Variants in CSRNP3 observed in about 807,000 individuals in gnomAD.
The protein encoded by CSRNP3 is cysteine and serine rich nuclear protein 3.
A neutral mutation model predicts 48.0 loss-of-function variants in CSRNP3; 12 were observed. That is an observed-to-expected ratio of 0.25 (90% CI 0.16 to 0.41). The LOEUF (loss-of-function observed/expected upper bound fraction) is 0.41, where lower values mean the gene tolerates loss of function less well. Ranked by LOEUF, CSRNP3 falls within the 10% of genes least tolerant of loss-of-function variation. CSRNP3 has a pLI of 1.00. For synonymous variants in CSRNP3, 263 were observed against 269.7 expected, an observed-to-expected ratio of 0.98 and a Z score of 0.24; for missense variants, 580 against 724.4, an observed-to-expected ratio of 0.80 and a Z score of 2.29.
chr2:165,612,252 T>C (rs1686150300), intron 4 of CSRNP3, among the ~76,000 whole-genome samples: 1 of 152,090 alleles, frequency 6.6e-6, no homozygotes, highest in Non-Finnish European at 1.5e-5. Context: ...TTCTGAATAA[T>C]AAACTATGCA....
intron 4 of CSRNP3, among the ~76,000 whole-genome samples, chr2:165,597,507 A>G (rs1380536600): frequency 6.6e-6 from 1 of 152,166 alleles, no homozygotes; most frequent in Admixed American, 6.5e-5. Flanking sequence ...TTTTTTAATA[A>G]TGAGGAAAGT....
intron 3 of CSRNP3, among the ~76,000 whole-genome samples, chr2:165,528,156 A>G (rs1684765289): frequency 6.6e-6 from 1 of 152,152 alleles, no homozygotes; most frequent in Admixed American, 6.5e-5. Context: ...TCCTTTGCCT[A>G]TCTTTTAATC....
chr2:165,621,291 C>CT (rs60553994), intron 4 of CSRNP3, among the ~76,000 whole-genome samples: 64 of 134,452 alleles, frequency 4.8e-4, no homozygotes, highest in Middle Eastern at 3.8e-3. Flanking sequence ...TCCTTCAGTC[C>CT]TTTTTTTTTT....
In CSRNP3 at chr2:165,616,358, C is replaced by T. The variant is rs139354137; in HGVS notation, c.148+21145C>T. 2.5e-3 allele frequency among the ~76,000 whole-genome samples: 378 copies of T among 152,028 alleles called. 1 individual carries two copies. Among genetic ancestry groups the T allele is most frequent in the Middle Eastern group, 3.4e-3 (1 of 292 alleles). Reference sequence around the variant, plus strand: ...TTTCTCATTTGTGTATCTGCTGTACCAGTACATTTTATACTTTTATGTATT... The same window carrying T: ...TTTCTCATTTGTGTATCTGCTGTACTAGTACATTTTATACTTTTATGTATT... On this transcript the variant is annotated intron_variant, in intron 4 of 6. Transcript: ENST00000651982.
At position 165,491,855 on chromosome 2, in the gene CSRNP3, A is replaced by G. The variant is rs1265050068; in HGVS notation, c.-282-2904A>G. On this transcript the variant is annotated intron_variant, in intron 1 of 6. Coordinates refer to ENST00000651982, the MANE Select transcript of CSRNP3 (RefSeq NM_001172173.2). ...TGGGAGATATACCTAATGCTAGATG[A>G]CGAGTTAGTGGGTGCAGCGCACCAG... Among the ~76,000 whole-genome samples, 3 of 136,108 alleles carry G rather than the reference A, an allele frequency of 2.2e-5. No individual in the cohort carries two copies. In the Admixed American group the frequency reaches 2.3e-4, roughly 10 times the overall value. 89.3% of individuals were successfully genotyped at this position (136,108 alleles called of 152,430 possible). A position where few individuals can be genotyped will look rare whatever the true frequency, so the allele number is the denominator to read the frequency against.
chr2:165,647,152 T>C (rs1013570194), intron 4 of CSRNP3, among the ~76,000 whole-genome samples: 2 of 152,106 alleles, frequency 1.3e-5, no homozygotes, highest in African/African-American at 4.8e-5. Flanking sequence ...ACAAATGTAA[T>C]TATTTCTTAT....
At chr2:165,596,930 A>G (rs1685821696) in intron 4 of CSRNP3, among the ~76,000 whole-genome samples, 1 of 152,218 alleles carries the variant, frequency 6.6e-6, no homozygotes, top group African/African-American at 2.4e-5. Context: ...TACTCCTTAC[A>G]GCAATTCTGA....
At chr2:165,568,994 T>C (rs1685334153) in intron 3 of CSRNP3, among the ~76,000 whole-genome samples, 1 of 152,050 alleles carries the variant, frequency 6.6e-6, no homozygotes, top group Admixed American at 6.6e-5. Flanking sequence ...AAAAGTACCA[T>C]TTAATACTTT....
intron 4 of CSRNP3, among the ~76,000 whole-genome samples, chr2:165,611,420 A>G (rs573905229): frequency 4.5e-4 from 68 of 151,942 alleles, no homozygotes; most frequent in African/African-American, 1.5e-3. Flanking sequence ...TTGAAACATT[A>G]TGTTGTACAT....
rs114990117 is a variant in CSRNP3 at position 165,622,033 on chromosome 2, A to G, written c.148+26820A>G. Among the ~76,000 whole-genome samples, 316 of 152,258 alleles carry G rather than the reference A, an allele frequency of 2.1e-3. 1 individual carries two copies. Among genetic ancestry groups the G allele is most frequent in the Non-Finnish European group, 3.6e-3 (242 of 67,994 alleles). On this transcript the variant is annotated intron_variant, in intron 4 of 6. Transcript: ENST00000651982. ...TTCTTTGAGCTGGTCTCTTTATTCT[A>G]TTTTGAAACATCTCCTTTCTAAAAG...
At chr2:165,659,502 A>G (rs1311984736) in intron 5 of CSRNP3, among the ~76,000 whole-genome samples, 2 of 152,090 alleles carry the variant, frequency 1.3e-5, no homozygotes, top group African/African-American at 2.4e-5. Flanking sequence ...TTTTGGACAT[A>G]CTGAGTTTGA....
intron 4 of CSRNP3, among the ~76,000 whole-genome samples, chr2:165,618,380 A>G (rs896027557): frequency 6.6e-6 from 1 of 152,182 alleles, no homozygotes; most frequent in Non-Finnish European, 1.5e-5. Context: ...TGTATTTGAC[A>G]TGTTAGCTAC....
intron 3 of CSRNP3, among the ~76,000 whole-genome samples, chr2:165,590,389 G>T (rs1385416578): frequency 6.6e-6 from 1 of 152,176 alleles, no homozygotes; most frequent in Non-Finnish European, 1.5e-5. Flanking sequence ...CTTGAGGGCA[G>T]GTAACCATCT....
At chr2:165,652,532 A>T (rs1686931374) in intron 4 of CSRNP3, among the ~76,000 whole-genome samples, 1 of 151,766 alleles carries the variant, frequency 6.6e-6, no homozygotes, top group Non-Finnish European at 1.5e-5. Flanking sequence ...ATGAAAACAG[A>T]CTAATTATTT....
At chr2:165,583,227 C>CT (rs981517917) in intron 3 of CSRNP3, among the ~76,000 whole-genome samples, 1 of 151,970 alleles carries the variant, frequency 6.6e-6, no homozygotes, top group Non-Finnish European at 1.5e-5. Flanking sequence ...AATATATATC[C>CT]TTTTTTTTCT....
At position 165,678,789 on chromosome 2, in the gene CSRNP3, G is replaced by A. The variant is rs762067667; in HGVS notation, c.794G>A (p.Arg265Gln). 21 of 1,613,804 alleles carry A rather than the reference G, an allele frequency of 1.3e-5. No homozygotes were observed. The Admixed American group carries it at 2.7e-4, about 21-fold the overall frequency. Residue 265 changes from arginine (R) to glutamine (Q), a missense_variant, in exon 7 of 7, where the codon CGG becomes CAG. By Grantham distance (43) the Arg-to-Gln change is conservative. Around this residue, in one of 4 missense-constraint regions of CSRNP3, gnomAD observed 66 missense variants for 137.6 expected, o/e 0.48. Coordinates refer to ENST00000651982, the MANE Select transcript of CSRNP3 (RefSeq NM_001172173.2). ...GRIEFNPIRV[R>Q]THFLHTIMKL... ...ATTGAATTTAATCCTATCCGTGTTC[G>A]GACTCACTTTTTGCACACAATAATG...
At chr2:165,663,499 A>AGG (rs1687130754) in intron 5 of CSRNP3, among the ~76,000 whole-genome samples, 1 of 152,228 alleles carries the variant, frequency 6.6e-6, no homozygotes, top group Admixed American at 6.5e-5. Flanking sequence ...AAACAAAATG[A>AGG]TGGAGACTGA....
At chr2:165,573,870 C>T (rs1162969394) in intron 3 of CSRNP3, among the ~76,000 whole-genome samples, 1 of 151,896 alleles carries the variant, frequency 6.6e-6, no homozygotes, top group Non-Finnish European at 1.5e-5. Flanking sequence ...GTTTCAAAAA[C>T]AAGGGAAGTT....
chr2:165,590,848 C>G lies in CSRNP3; in HGVS notation c.-23-4195C>G, dbSNP rs1286491474. Among the ~76,000 whole-genome samples the G allele has an allele frequency of 4.6e-5, 7 of 152,148 alleles. No homozygotes were observed. The East Asian group carries it at 1.2e-3, about 25-fold the overall frequency. On this transcript the variant is annotated intron_variant, in intron 3 of 6. Coordinates refer to ENST00000651982, the MANE Select transcript of CSRNP3 (RefSeq NM_001172173.2). The stretch of plus-strand genomic sequence containing the variant: ...CTCTTTTCTTTATAAATTTCCTAGT[C>G]TCAGGTATTTCTTCATAGCAGCATG...
Sources: allele counts gnomAD v4.1 joint callset (sites outside exome capture counted in the v4.1 genomes callset), GRCh38; gene constraint gnomAD v4.1.1; regional missense constraint gnomAD v4.1.1; transcripts MANE v1.5; gene names NCBI Gene and HGNC (gene_info 2026-07-23, HGNC 2026-07-21).